IFNGR2: variants seen among roughly 807,000 people sequenced by gnomAD.
The protein encoded by IFNGR2 is IFN-gamma receptor 2.
IFNGR2 carries 15 observed loss-of-function variants against 41.1 expected under a neutral mutation model. The ratio of observed to expected loss-of-function variants is 0.37; its 90% CI spans 0.24 to 0.56. IFNGR2 has a LOEUF of 0.56. Ranked by LOEUF, IFNGR2 falls within the 20% of genes least tolerant of loss-of-function variation. The pLI, the probability that IFNGR2 is intolerant of heterozygous loss-of-function variation, is 0.81. For missense variants in IFNGR2, 362 were observed against 415.7 expected, an observed-to-expected ratio of 0.87 and a Z score of 1.12; for synonymous variants, 161 against 171.6, an observed-to-expected ratio of 0.94 and a Z score of 0.48.
intron 3 of IFNGR2, among the ~76,000 whole-genome samples, chr21:33,423,077 T>C (rs1245112174): frequency 3.5e-5 from 5 of 143,860 alleles, no homozygotes; most frequent in Non-Finnish European, 7.6e-5. Flanking sequence ...TCTCTCTCTC[T>C]TGCCCAGGCT....
chr21:33,436,673 G>A (rs1264792314), intron 6 of IFNGR2, among the ~76,000 whole-genome samples, 155 bp from the exon 7 acceptor site: 2 of 150,290 alleles, frequency 1.3e-5, no homozygotes, highest in African/African-American at 2.5e-5. Flanking sequence ...AGTGAGCTGA[G>A]ATCACACCAC....
chr21:33,431,139 G>GA (rs2083882595), intron 4 of IFNGR2, among the ~76,000 whole-genome samples: 1 of 152,130 alleles, frequency 6.6e-6, no homozygotes. Flanking sequence ...AATCCTTAAG[G>GA]TCATTTTAGC....
chr21:33,429,271 C>T (rs547029698), intron 4 of IFNGR2, among the ~76,000 whole-genome samples: 1 of 152,190 alleles, frequency 6.6e-6, no homozygotes, highest in South Asian at 2.1e-4. Flanking sequence ...AGCTGTGAGT[C>T]TGTGTGTTAG....
At chr21:33,433,981 G>A (rs2284555) in intron 6 of IFNGR2, among the ~76,000 whole-genome samples, 88,459 of 151,526 alleles carry the variant, frequency 0.58, 27,822 homozygotes, top group East Asian at 0.82. Context: ...CCCACAGGGT[G>A]CTTAGGAGGG....
At chr21:33,432,133 G>A in intron 4 of IFNGR2, 44 bp from the exon 5 acceptor site, 1 of 1,564,422 alleles carries the variant, frequency 6.4e-7, no homozygotes, top group Non-Finnish European at 8.8e-7. Flanking sequence ...TAGGCAGCTT[G>A]GCCATGTTCA....
At chr21:33,417,006 G>A (rs188413207) in intron 2 of IFNGR2, among the ~76,000 whole-genome samples, 220 of 143,938 alleles carry the variant, frequency 1.5e-3, no homozygotes, top group Middle Eastern at 3.6e-3. Flanking sequence ...CTGGACCTCC[G>A]CCTCCCAGGT....
Position 33,403,598 on chromosome 21 carries a change from G to C in IFNGR2, c.55G>C (p.Ala19Pro). The C allele has an allele frequency of 7.3e-7, 1 of 1,361,922 alleles. No individual in the cohort carries two copies. The highest frequency in any genetic ancestry group is 9.5e-7 in the Non-Finnish European group (1 of 1,054,396). The allele number at this position is 1,361,922 out of a possible 1,614,324, so 84.4% of individuals were successfully genotyped here. Residue 19 changes from alanine (A) to proline (P), a missense_variant, in exon 1 of 7, where the codon GCC becomes CCC. By Grantham distance (27) the Ala-to-Pro change is conservative (BLOSUM62 -1). Coordinates refer to ENST00000290219, the MANE Select transcript of IFNGR2 (RefSeq NM_005534.4). ...GCTGCTGCTCGGAGTCTTCGCCGCC[G>C]CCGCCGCGGCCCCGCCAGGTGAGCC... The part of the protein sequence containing the change: ...LLLLLGVFAA[A>P]AAAPPDPLSQ...
chr21:33,422,964 A>G (rs1568957525), intron 3 of IFNGR2, among the ~76,000 whole-genome samples: 1 of 150,798 alleles, frequency 6.6e-6, no homozygotes, highest in East Asian at 1.9e-4. Context: ...AAGAAACAAA[A>G]TTGGCCATAA....
chr21:33,406,603 T>A (rs149051966), intron 1 of IFNGR2, among the ~76,000 whole-genome samples: 1 of 151,928 alleles, frequency 6.6e-6, no homozygotes, highest in East Asian at 1.9e-4. Context: ...CCGGTGTAAT[T>A]TTGAAATTGC....
At chr21:33,418,152 G>T (rs569863767) in intron 2 of IFNGR2, among the ~76,000 whole-genome samples, 47 of 152,238 alleles carry the variant, frequency 3.1e-4, no homozygotes, top group Admixed American at 6.5e-4. Flanking sequence ...CGCCTCGTGG[G>T]TTCAAGCGAT....
chr21:33,408,037 C>T (rs1215647958), intron 1 of IFNGR2, among the ~76,000 whole-genome samples: 2 of 152,042 alleles, frequency 1.3e-5, no homozygotes, highest in African/African-American at 4.8e-5. Context: ...ACCTAATTGA[C>T]TTTCATCATA....
At chr21:33,430,230 A>C (rs2083874147) in intron 4 of IFNGR2, among the ~76,000 whole-genome samples, 1 of 152,242 alleles carries the variant, frequency 6.6e-6, no homozygotes, top group Non-Finnish European at 1.5e-5. Context: ...CATTAGTGTT[A>C]GGCCTGTTAC....
At chr21:33,427,133 C>T (rs1488580663) in intron 4 of IFNGR2, 101 bp downstream of exon 4, 3 of 1,016,430 alleles carry the variant, frequency 3.0e-6, no homozygotes, top group Non-Finnish European at 4.7e-6. Flanking sequence ...AGGGTGTCTC[C>T]ATGTCCCCGT....
At chr21:33,422,347 A>G (rs1214253349) in intron 3 of IFNGR2, among the ~76,000 whole-genome samples, 5 of 152,196 alleles carry the variant, frequency 3.3e-5, no homozygotes, top group African/African-American at 9.7e-5. Context: ...TGTCTGGTTT[A>G]TGCACACACA....
At chr21:33,423,868 G>C (rs1772719972) in intron 3 of IFNGR2, among the ~76,000 whole-genome samples, 1 of 149,056 alleles carries the variant, frequency 6.7e-6, no homozygotes, top group South Asian at 2.1e-4. Context: ...GCTAGGTACT[G>C]TGAGGGACAG....
At chr21:33,419,604 TATGTGACATATCAC>T (rs1474221895) in intron 2 of IFNGR2, among the ~76,000 whole-genome samples, 6 of 152,190 alleles carry the variant, frequency 3.9e-5, no homozygotes, top group Admixed American at 3.9e-4. Context: ...TATGTTTCAT[TATGTGACATATCAC>T]ATGTGTTGTA....
chr21:33,432,282 A>ATCTT lies in IFNGR2; in HGVS notation c.669_672dup (p.Arg225LeufsTer2). 1 of 1,614,160 alleles carries ATCTT rather than the reference A, an allele frequency of 6.2e-7. No individual in the cohort carries two copies. The highest frequency in any genetic ancestry group is 8.5e-7 in the Non-Finnish European group (1 of 1,179,960). The stretch of plus-strand genomic sequence containing the variant: ...ACAACTGCTTTGGAACAAAAGTAAC[A>ATCTT]TCTTTAGAGTCGGGCATTTAAGCAA... On this transcript the variant is annotated frameshift_variant, in exon 5 of 7. Coordinates refer to ENST00000290219, the MANE Select transcript of IFNGR2 (RefSeq NM_005534.4). LOFTEE classifies it high-confidence loss of function.
intron 1 of IFNGR2, among the ~76,000 whole-genome samples, chr21:33,407,644 G>A (rs955373401): frequency 1.3e-5 from 2 of 152,190 alleles, no homozygotes; most frequent in South Asian, 2.1e-4. Flanking sequence ...TGCCCAGGTG[G>A]GAATGCAGTG....
At chr21:33,404,357 A>C (rs151028516) in intron 1 of IFNGR2, among the ~76,000 whole-genome samples, 46 of 152,344 alleles carry the variant, frequency 3.0e-4, no homozygotes, top group African/African-American at 9.9e-4. Context: ...GGGCAGCAGC[A>C]TTCAGGCAGG....
Sources: allele counts gnomAD v4.1 joint callset (sites outside exome capture counted in the v4.1 genomes callset), GRCh38; gene constraint gnomAD v4.1.1; transcripts MANE v1.5; gene names NCBI Gene and HGNC (gene_info 2026-07-23, HGNC 2026-07-21).